The following PDE1A variants were observed in gnomAD, a reference collection of about 807,000 sequenced individuals.
PDE1A encodes the protein dual specificity calcium/calmodulin-dependent 3',5'-cyclic nucleotide phosphodiesterase 1A.
Under a neutral mutation model 61.7 loss-of-function variants are expected in PDE1A, and 35 were observed. The ratio of observed to expected loss-of-function variants is 0.57; its 90% CI spans 0.43 to 0.75. PDE1A has a LOEUF of 0.75. PDE1A is among the 30% of genes least tolerant of loss of function. The pLI is 0.00. For synonymous variants in PDE1A, 232 were observed against 213.2 expected (o/e 1.09, Z -0.77); for missense variants, 597 against 630.6 (o/e 0.95, Z 0.57).
the PDE1A span, among the ~76,000 whole-genome samples, chr2:182,685,370 A>G: frequency 6.6e-6 from 1 of 152,208 alleles, no homozygotes; most frequent in African/African-American, 2.4e-5. Flanking sequence ...TATGCTATGT[A>G]TAATATGTTT....
At chr2:182,519,535 G>T (rs959735115) in intron 2 of PDE1A, among the ~76,000 whole-genome samples, 7 of 151,864 alleles carry the variant, frequency 4.6e-5, no homozygotes, top group Non-Finnish European at 8.8e-5. Flanking sequence ...AAGAAAAAGA[G>T]ATTTCTTGGC....
At chr2:182,568,700 A>G in the PDE1A span, among the ~76,000 whole-genome samples, 2 of 152,180 alleles carry the variant, frequency 1.3e-5, no homozygotes, top group South Asian at 2.1e-4. Flanking sequence ...GAGTAGGTAC[A>G]TATTTCTGTA....
chr2:182,591,329 G>T, the PDE1A span, among the ~76,000 whole-genome samples: 9 of 152,270 alleles, frequency 5.9e-5, no homozygotes, highest in Non-Finnish European at 5.9e-5. Flanking sequence ...CACAAAAACA[G>T]TTAAGTCCCA....
At chr2:182,701,766 G>A in the PDE1A span, among the ~76,000 whole-genome samples, 1 of 152,066 alleles carries the variant, frequency 6.6e-6, no homozygotes, top group African/African-American at 2.4e-5. Flanking sequence ...TGTGATTCTA[G>A]GTAGCCTTCA....
intron 1 of PDE1A, among the ~76,000 whole-genome samples, chr2:182,332,414 T>G (rs1418141517): frequency 6.6e-6 from 1 of 152,164 alleles, no homozygotes; most frequent in East Asian, 1.9e-4. Context: ...GTTGTAATCC[T>G]TTGGAGGAGA....
chr2:182,201,306 A>C, intron 10 of PDE1A, 133 bp downstream of exon 10: 10 of 1,116,336 alleles, frequency 9.0e-6, no homozygotes, highest in Non-Finnish European at 1.3e-5. Flanking sequence ...ATTTTGCTGA[A>C]ACCCCCAAGA....
intron 13 of PDE1A, among the ~76,000 whole-genome samples, chr2:182,172,340 C>T (rs901079538): frequency 4.6e-5 from 7 of 151,988 alleles, no homozygotes; most frequent in African/African-American, 1.7e-4. Flanking sequence ...AGATGATAGG[C>T]ATTTGTTTGC....
At chr2:182,412,477 A>G in intron 1 of PDE1A, among the ~76,000 whole-genome samples, 1 of 152,224 alleles carries the variant, frequency 6.6e-6, no homozygotes, top group East Asian at 1.9e-4. Flanking sequence ...GGGGATACTA[A>G]TGCCCATACT....
At chr2:182,471,720 G>A (rs1687040263) in intron 2 of PDE1A, among the ~76,000 whole-genome samples, 1 of 151,326 alleles carries the variant, frequency 6.6e-6, no homozygotes, top group South Asian at 2.1e-4. Flanking sequence ...CAACAAGAAA[G>A]TCAATGGTTC....
At chr2:182,418,063 G>A (rs1246567351) in intron 1 of PDE1A, among the ~76,000 whole-genome samples, 1 of 152,050 alleles carries the variant, frequency 6.6e-6, no homozygotes, top group Non-Finnish European at 1.5e-5. Context: ...TAAGTCCCAA[G>A]AGAATACACA....
chr2:182,345,068 A>C (rs1698440010), intron 1 of PDE1A, among the ~76,000 whole-genome samples: 1 of 152,068 alleles, frequency 6.6e-6, no homozygotes, highest in South Asian at 2.1e-4. Flanking sequence ...TGGGATGACT[A>C]TTTTCAAGTC....
intron 1 of PDE1A, 135 bp from the exon 2 acceptor site, chr2:182,264,549 T>G (rs533989469): frequency 1.7e-6 from 1 of 594,582 alleles, no homozygotes; most frequent in African/African-American, 1.9e-5. Context: ...AGCATTATTT[T>G]CAGATTTTTT....
the PDE1A span, among the ~76,000 whole-genome samples, chr2:182,567,968 T>A: frequency 6.6e-6 from 1 of 151,900 alleles, no homozygotes; most frequent in East Asian, 1.9e-4. Context: ...AATTTTTGTA[T>A]TTTTAGTAGA....
At chr2:182,335,444 G>A (rs972501885) in intron 1 of PDE1A, among the ~76,000 whole-genome samples, 1 of 152,072 alleles carries the variant, frequency 6.6e-6, no homozygotes, top group African/African-American at 2.4e-5. Flanking sequence ...ACAGAACAGA[G>A]GCCTCAGAAA....
chr2:182,525,126 T>C (rs565573061), upstream of PDE1A, among the ~76,000 whole-genome samples: 26 of 152,302 alleles, frequency 1.7e-4, 1 homozygote, highest in East Asian at 4.8e-3. Context: ...CATCTCCTCA[T>C]AGTGTTCATG....
intron 1 of PDE1A, among the ~76,000 whole-genome samples, chr2:182,282,010 G>T (rs1474162317): frequency 6.6e-6 from 1 of 151,822 alleles, no homozygotes; most frequent in Non-Finnish European, 1.5e-5. Flanking sequence ...GTGCCTTTCT[G>T]TCATCTGGAA....
chr2:182,340,677 A>C (rs1698128072), intron 1 of PDE1A, among the ~76,000 whole-genome samples: 1 of 152,208 alleles, frequency 6.6e-6, no homozygotes, highest in Non-Finnish European at 1.5e-5. Flanking sequence ...TGTAAGGGAC[A>C]ATAGCTAGCT....
At chr2:182,343,587 T>C (rs1329136420) in intron 1 of PDE1A, among the ~76,000 whole-genome samples, 1 of 152,218 alleles carries the variant, frequency 6.6e-6, no homozygotes, top group African/African-American at 2.4e-5. Flanking sequence ...TGCAGCCTAA[T>C]TGACAAGGTT....
At chr2:182,716,044 T>C in the PDE1A span, 2 of 152,198 alleles carry the variant, frequency 1.3e-5, no homozygotes, top group African/African-American at 2.4e-5. Context: ...GCCGGCCGCA[T>C]TGGTGAGGGG....
Sources: gnomAD v4.1 joint callset for allele counts (sites outside exome capture counted in the v4.1 genomes callset) on GRCh38, gnomAD v4.1.1 for gene constraint, MANE v1.5 for transcripts, NCBI Gene and HGNC (gene_info 2026-07-23, HGNC 2026-07-21) for gene names.